PLEKHA5: variants seen among roughly 807,000 people sequenced by gnomAD.
PLEKHA5 encodes the protein pleckstrin homology domain containing A5.
Under a neutral mutation model 181.9 loss-of-function variants are expected in PLEKHA5, and 55 were observed. The ratio of observed to expected loss-of-function variants is 0.30; its 90% CI spans 0.24 to 0.38. The LOEUF (loss-of-function observed/expected upper bound fraction) is 0.38, where lower values mean the gene tolerates loss of function less well. Ranked by LOEUF, PLEKHA5 falls within the 10% of genes least tolerant of loss-of-function variation. The pLI, the probability that PLEKHA5 is intolerant of heterozygous loss-of-function variation, is 1.00. For synonymous variants in PLEKHA5, 535 were observed against 529.4 expected (o/e 1.01, Z -0.15); for missense variants, 1,432 against 1,549.5 (o/e 0.92, Z 1.27).
chr12:19,241,538 C>G (rs1381563818), intron 3 of PLEKHA5, among the ~76,000 whole-genome samples: 3 of 152,184 alleles, frequency 2.0e-5, no homozygotes, highest in Non-Finnish European at 4.4e-5. Flanking sequence ...GGGCGGATCA[C>G]TTGAGGCTAG....
At chr12:19,336,841 G>A (rs2093463982) in intron 21 of PLEKHA5, among the ~76,000 whole-genome samples, 1 of 152,104 alleles carries the variant, frequency 6.6e-6, no homozygotes, top group African/African-American at 2.4e-5. Flanking sequence ...GAGCCCTGGA[G>A]TGTTCTGTGC....
intron 26 of PLEKHA5, 82 bp from the exon 27 acceptor site, chr12:19,358,146 T>G (rs1350433124): frequency 1.1e-6 from 1 of 897,602 alleles, no homozygotes; most frequent in Non-Finnish European, 1.7e-6. Context: ...AATAAATAAA[T>G]GCACTTTACA....
chr12:19,198,923 T>G (rs192624266), intron 3 of PLEKHA5, among the ~76,000 whole-genome samples: 64 of 152,326 alleles, frequency 4.2e-4, no homozygotes, highest in Admixed American at 2.1e-3. Flanking sequence ...AATTATTTCA[T>G]GTATGGTTTT....
At chr12:19,263,433 C>G (rs68113869) in intron 7 of PLEKHA5, among the ~76,000 whole-genome samples, 19,250 of 152,162 alleles carry the variant, frequency 0.13, 1,428 homozygotes, top group Admixed American at 0.21. Context: ...TTTTTGCCCC[C>G]ACTCAGATAT....
At chr12:19,190,015 T>C (rs2050722319) in intron 3 of PLEKHA5, among the ~76,000 whole-genome samples, 1 of 152,214 alleles carries the variant, frequency 6.6e-6, no homozygotes, top group African/African-American at 2.4e-5. Flanking sequence ...ATTGTTAAAA[T>C]CTGCTTACAA....
intron 15 of PLEKHA5, chr12:19,307,021 C>G (rs1266839563): frequency 6.7e-7 from 1 of 1,489,686 alleles, no homozygotes; most frequent in Admixed American, 1.7e-5. Context: ...TACTCTTGTT[C>G]CTGCCCTTGC....
intron 22 of PLEKHA5, among the ~76,000 whole-genome samples, chr12:19,345,254 G>A (rs943356152): frequency 2.0e-5 from 3 of 151,496 alleles, no homozygotes; most frequent in Non-Finnish European, 4.4e-5. Flanking sequence ...ACAAAAATTA[G>A]CCATGCATGG....
intron 8 of PLEKHA5, among the ~76,000 whole-genome samples, chr12:19,268,931 T>G (rs1373571995): frequency 6.6e-6 from 1 of 152,162 alleles, no homozygotes; most frequent in East Asian, 1.9e-4. Flanking sequence ...TCTTTTGTGT[T>G]TGGGTGTAGA....
chr12:19,161,505 A>AC (rs1476799569), intron 3 of PLEKHA5, among the ~76,000 whole-genome samples: 13 of 151,916 alleles, frequency 8.6e-5, no homozygotes, highest in African/African-American at 3.1e-4. Context: ...CCCCTCTCCC[A>AC]CCCCATCTCC....
intron 27 of PLEKHA5, 77 bp from the exon 28 acceptor site, chr12:19,359,335 G>T: frequency 2.3e-6 from 3 of 1,290,098 alleles, no homozygotes; most frequent in South Asian, 1.5e-5. Flanking sequence ...TCTATTTTGA[G>T]AATTAACAGG....
chr12:19,258,961 ACC>A lies in PLEKHA5; in HGVS notation c.537+1426_537+1427del, dbSNP rs2067613981. Among the ~76,000 whole-genome samples, 3 of 152,160 alleles carry A rather than the reference ACC, an allele frequency of 2.0e-5. 1 individual carries two copies. Among genetic ancestry groups the A allele is most frequent in the African/African-American group, 7.2e-5 (3 of 41,542 alleles). ...ATTTCAGTGCAAAACTGAGCCTCAT[ACC>A]CTAATGGCATTCCTTATTTAAAATA... On this transcript the variant is annotated intron_variant, in intron 6 of 31. Coordinates refer to ENST00000429027, the MANE Select transcript of PLEKHA5 (RefSeq NM_001256470.2).
At chr12:19,211,171 A>G (rs375147364) in intron 3 of PLEKHA5, among the ~76,000 whole-genome samples, 1 of 152,166 alleles carries the variant, frequency 6.6e-6, no homozygotes, top group Non-Finnish European at 1.5e-5. Flanking sequence ...AGTTGCCCCT[A>G]CACTTTGTTC....
At chr12:19,305,502 A>C (rs942722878) in intron 15 of PLEKHA5, among the ~76,000 whole-genome samples, 7 of 150,220 alleles carry the variant, frequency 4.7e-5, no homozygotes, top group African/African-American at 1.7e-4. Context: ...CAGAGGTTGC[A>C]GTGAGCCAAG....
chr12:19,321,836 G>T (rs1388684), intron 18 of PLEKHA5, among the ~76,000 whole-genome samples: 13,723 of 151,996 alleles, frequency 0.09, 683 homozygotes, highest in Middle Eastern at 0.18. Flanking sequence ...TTTCCAATTT[G>T]TCCAGTGTTT....
chr12:19,217,692 C>T (rs952158173), intron 3 of PLEKHA5, among the ~76,000 whole-genome samples: 1 of 152,124 alleles, frequency 6.6e-6, no homozygotes, highest in Non-Finnish European at 1.5e-5. Context: ...GCTGCGTAGA[C>T]ATCAACAGTA....
At chr12:19,248,582 A>G (rs935723560) in intron 3 of PLEKHA5, among the ~76,000 whole-genome samples, 1 of 152,166 alleles carries the variant, frequency 6.6e-6, no homozygotes, top group Non-Finnish European at 1.5e-5. Flanking sequence ...ATACAGTAAC[A>G]TGCGTTACCT....
chr12:19,239,770 G>A (rs1279367054), intron 3 of PLEKHA5, among the ~76,000 whole-genome samples: 2 of 152,096 alleles, frequency 1.3e-5, no homozygotes, highest in East Asian at 1.9e-4. Context: ...GACTAATCCC[G>A]CTGATTCCAC....
At chr12:19,334,827 AAAATATAT>A (rs1472895700) in intron 20 of PLEKHA5, among the ~76,000 whole-genome samples, 4 of 16,578 alleles carry the variant, frequency 2.4e-4, no homozygotes, top group African/African-American at 5.3e-4. Flanking sequence ...ACAAAAAAAA[AAAATATAT>A]ATATATATAT....
chr12:19,225,479 T>C (rs1242637668), intron 3 of PLEKHA5, among the ~76,000 whole-genome samples: 1 of 152,218 alleles, frequency 6.6e-6, no homozygotes, highest in Non-Finnish European at 1.5e-5. Context: ...GTACAGAATT[T>C]GCAGTTCTTG....
Sources: gnomAD v4.1 joint callset for allele counts (sites outside exome capture counted in the v4.1 genomes callset) on GRCh38, gnomAD v4.1.1 for gene constraint, MANE v1.5 for transcripts, NCBI Gene and HGNC (gene_info 2026-07-23, HGNC 2026-07-21) for gene names.